Variants in TTC28 observed in about 807,000 individuals in gnomAD.
The protein encoded by TTC28 is tetratricopeptide repeat protein 28.
A neutral mutation model predicts 198.0 loss-of-function variants in TTC28; 61 were observed. That is an observed-to-expected ratio of 0.31 (90% CI 0.25 to 0.38). The LOEUF (loss-of-function observed/expected upper bound fraction) is 0.38, where lower values mean the gene tolerates loss of function less well. Among genes scored for constraint, TTC28 ranks in the 10% least tolerant of loss-of-function variants. TTC28 has a pLI of 1.00. For synonymous variants in TTC28, 1,171 were observed against 1,297.8 expected (o/e 0.90, Z 2.10); for missense variants, 2,678 against 3,164.0 (o/e 0.85, Z 3.69).
At chr22:28,388,062 T>C (rs1218601044) in intron 2 of TTC28, among the ~76,000 whole-genome samples, 5 of 152,228 alleles carry the variant, frequency 3.3e-5, no homozygotes, top group Non-Finnish European at 5.9e-5. Flanking sequence ...TATCTACATA[T>C]GGCTAGCCAG....
chr22:28,167,138 T>C (rs1259724702), intron 5 of TTC28, among the ~76,000 whole-genome samples: 1 of 152,208 alleles, frequency 6.6e-6, no homozygotes, highest in Non-Finnish European at 1.5e-5. Context: ...GTTGAATCTC[T>C]GCAAAGACCA....
At chr22:28,566,273 A>G (rs1478417648) in intron 2 of TTC28, among the ~76,000 whole-genome samples, 1 of 152,184 alleles carries the variant, frequency 6.6e-6, no homozygotes, top group Non-Finnish European at 1.5e-5. Flanking sequence ...GACACACTCT[A>G]TCATCATCAC....
intron 6 of TTC28, among the ~76,000 whole-genome samples, chr22:28,134,573 C>T (rs535416279): frequency 2.2e-4 from 34 of 152,034 alleles, no homozygotes; most frequent in Middle Eastern, 6.8e-3. Flanking sequence ...GTAGCCGATT[C>T]GATCAAGTGG....
At chr22:28,242,953 T>G (rs773609516) in intron 5 of TTC28, among the ~76,000 whole-genome samples, 3 of 150,908 alleles carry the variant, frequency 2.0e-5, no homozygotes, top group African/African-American at 7.3e-5. Flanking sequence ...TGTGACAAGA[T>G]AGGTACAGAA....
At chr22:28,367,105 A>G (rs2046260183) in intron 2 of TTC28, among the ~76,000 whole-genome samples, 2 of 152,108 alleles carry the variant, frequency 1.3e-5, no homozygotes. Context: ...AGATATTTAC[A>G]TAGCATTTCA....
chr22:28,039,848 T>C (rs1569100860), intron 12 of TTC28, among the ~76,000 whole-genome samples: 1 of 151,482 alleles, frequency 6.6e-6, no homozygotes, highest in Non-Finnish European at 1.5e-5. Flanking sequence ...GCAAGACTAA[T>C]AAAGAAGAAA....
intron 5 of TTC28, among the ~76,000 whole-genome samples, chr22:28,257,638 G>T (rs1334423055): frequency 3.3e-5 from 5 of 149,398 alleles, no homozygotes; most frequent in African/African-American, 1.2e-4. Flanking sequence ...AGGATGAATG[G>T]GGGAAAAAAG....
chr22:28,239,765 T>C (rs1929532097), intron 5 of TTC28, among the ~76,000 whole-genome samples: 1 of 152,106 alleles, frequency 6.6e-6, no homozygotes, highest in African/African-American at 2.4e-5. Flanking sequence ...TGGAGACATA[T>C]GGGCATATTC....
At chr22:28,410,108 G>C (rs2047059843) in intron 2 of TTC28, among the ~76,000 whole-genome samples, 1 of 152,090 alleles carries the variant, frequency 6.6e-6, no homozygotes, top group Non-Finnish European at 1.5e-5. Flanking sequence ...TTTTTGTAGA[G>C]ATGGGGTTTC....
At chr22:28,540,968 A>G (rs1252079297) in intron 2 of TTC28, among the ~76,000 whole-genome samples, 1 of 152,218 alleles carries the variant, frequency 6.6e-6, no homozygotes, top group African/African-American at 2.4e-5. Flanking sequence ...AATAAGGGAG[A>G]CTAGCTGAAA....
At chr22:28,659,291 C>CA (rs2051706395) in intron 1 of TTC28, among the ~76,000 whole-genome samples, 3 of 152,064 alleles carry the variant, frequency 2.0e-5, no homozygotes, top group Admixed American at 2.0e-4. Context: ...TTTTTTGAGA[C>CA]AGAGTCTTGC....
At chr22:28,232,441 G>A (rs1284030685) in intron 5 of TTC28, among the ~76,000 whole-genome samples, 1 of 152,198 alleles carries the variant, frequency 6.6e-6, no homozygotes, top group Non-Finnish European at 1.5e-5. Context: ...GCAAGCAGCA[G>A]CAATCTTGAC....
chr22:28,591,363 A>T (rs1352829118), intron 2 of TTC28, among the ~76,000 whole-genome samples: 2 of 151,910 alleles, frequency 1.3e-5, no homozygotes, highest in African/African-American at 4.8e-5. Flanking sequence ...ATACAATTTT[A>T]AATAAAATTT....
At chr22:28,431,003 CTACTCTA>C (rs2047421908) in intron 2 of TTC28, among the ~76,000 whole-genome samples, 1 of 151,968 alleles carries the variant, frequency 6.6e-6, no homozygotes, top group Non-Finnish European at 1.5e-5. Flanking sequence ...AGTTAAAATA[CTACTCTA>C]CCGTGAAGAC....
At chr22:28,482,032 G>C (rs1490724676) in intron 2 of TTC28, among the ~76,000 whole-genome samples, 2 of 152,058 alleles carry the variant, frequency 1.3e-5, no homozygotes, top group Non-Finnish European at 2.9e-5. Flanking sequence ...ATCTTATTCT[G>C]CTCTGTCCCT....
intron 2 of TTC28, among the ~76,000 whole-genome samples, chr22:28,469,331 G>T: frequency 6.6e-6 from 1 of 152,188 alleles, no homozygotes; most frequent in Non-Finnish European, 1.5e-5. Context: ...GAACCACGAA[G>T]AACTGCAGAA....
chr22:28,167,685 C>T (rs187420258), intron 5 of TTC28, among the ~76,000 whole-genome samples: 2 of 152,278 alleles, frequency 1.3e-5, no homozygotes, highest in East Asian at 1.9e-4. Flanking sequence ...ATAGTAAGAG[C>T]TATCTATGGC....
intron 5 of TTC28, among the ~76,000 whole-genome samples, chr22:28,189,432 G>A (rs902334507): frequency 2.6e-5 from 4 of 151,792 alleles, no homozygotes; most frequent in Non-Finnish European, 5.9e-5. Flanking sequence ...TGAGAGGATC[G>A]ACCCAAGCAG....
intron 5 of TTC28, among the ~76,000 whole-genome samples, chr22:28,287,027 T>G (rs1294459609): frequency 2.0e-5 from 3 of 152,156 alleles, no homozygotes; most frequent in Non-Finnish European, 4.4e-5. Context: ...AAGCTAATTC[T>G]AAGACATACA....
Sources: gnomAD v4.1 joint callset for allele counts (sites outside exome capture counted in the v4.1 genomes callset) on GRCh38, gnomAD v4.1.1 for gene constraint, MANE v1.5 for transcripts, NCBI Gene and HGNC (gene_info 2026-07-23, HGNC 2026-07-21) for gene names.